The following WDR64 variants were observed in gnomAD, a reference collection of about 807,000 sequenced individuals.
The protein encoded by WDR64 is WD repeat domain 64, also known as WD repeat-containing protein 64.
WDR64 carries 112 observed loss-of-function variants against 139.3 expected under a neutral mutation model. The observed-to-expected ratio is 0.80, with a 90% CI of 0.69 to 0.94. The LOEUF (loss-of-function observed/expected upper bound fraction) is 0.94. WDR64 is among the 40% of genes least tolerant of loss of function. The probability of loss-of-function intolerance (pLI) is 0.00; values close to 1 mark genes in which losing one functional copy is unlikely to be tolerated. For synonymous variants in WDR64, 444 were observed against 437.7 expected, an observed-to-expected ratio of 1.01 and a Z score of -0.18; for missense variants, 1,206 against 1,293.1, an observed-to-expected ratio of 0.93 and a Z score of 1.03.
intron 8 of WDR64, among the ~76,000 whole-genome samples, chr1:241,698,953 C>G (rs1404241305): frequency 6.6e-6 from 1 of 152,194 alleles, no homozygotes; most frequent in Non-Finnish European, 1.5e-5. Context: ...GGGAAGCAAA[C>G]ACGTCCTTCT....
At chr1:241,771,324 T>C (rs973982837) in intron 18 of WDR64, among the ~76,000 whole-genome samples, 1 of 152,180 alleles carries the variant, frequency 6.6e-6, no homozygotes, top group Non-Finnish European at 1.5e-5. Context: ...TTTCTGTTTC[T>C]GTTTCAGTAA....
intron 21 of WDR64, among the ~76,000 whole-genome samples, chr1:241,777,618 A>G (rs1374690341): frequency 6.6e-6 from 1 of 151,762 alleles, no homozygotes; most frequent in Non-Finnish European, 1.5e-5. Flanking sequence ...GGGTTTCACC[A>G]TGTTGGCCAG....
Position 241,796,309 on chromosome 1 carries a change from A to G in WDR64, c.3131A>G (p.Gln1044Arg), listed in dbSNP as rs2148333628. The G allele has an allele frequency of 2.5e-6, 4 of 1,613,878 alleles. No homozygotes were observed. In the East Asian group the frequency reaches 8.9e-5, roughly 36 times the overall value. The change falls in exon 27 of 28, where the codon CAA (glutamine) becomes CGA (arginine). Residue 1044 changes from glutamine (Q) to arginine (R), a missense_variant. Physicochemically the swap from Gln to Arg is conservative, Grantham distance 43. Coordinates refer to ENST00000437684, the MANE Select transcript of WDR64 (RefSeq NM_001367482.1). ...CTTCCACTGATTGGCGTAGAAGCCC[A>G]AAAGGACTCTTCAGATGGCATTACA... Reference protein sequence around the residue: ...RFLPLIGVEAQKDSSDGITGK... With the variant: ...RFLPLIGVEARKDSSDGITGK...
chr1:241,697,106 T>C (rs1344895277), intron 8 of WDR64, among the ~76,000 whole-genome samples: 3 of 152,210 alleles, frequency 2.0e-5, no homozygotes, highest in African/African-American at 7.2e-5. Flanking sequence ...CTGCATCTGA[T>C]TGCAGAACCC....
At chr1:241,763,159 A>T (rs1657998476) in intron 15 of WDR64, among the ~76,000 whole-genome samples, 1 of 152,196 alleles carries the variant, frequency 6.6e-6, no homozygotes, top group African/African-American at 2.4e-5. Flanking sequence ...ATAAAAACAG[A>T]AAGAAGATGA....
chr1:241,736,623 C>T (rs1020784905), intron 10 of WDR64, among the ~76,000 whole-genome samples: 2 of 152,050 alleles, frequency 1.3e-5, no homozygotes, highest in Admixed American at 6.6e-5. Flanking sequence ...AGCAGTATGA[C>T]GCAGAAGGTT....
intron 1 of WDR64, among the ~76,000 whole-genome samples, chr1:241,654,682 C>T (rs865826293): frequency 8.5e-5 from 13 of 152,278 alleles, no homozygotes; most frequent in Middle Eastern, 6.8e-3. Context: ...GCTGTATAGG[C>T]TGAGCATCCC....
intron 23 of WDR64, among the ~76,000 whole-genome samples, chr1:241,784,945 C>T (rs112195379): frequency 0.32 from 18,893 of 59,316 alleles, 1,913 homozygotes; most frequent in Middle Eastern, 0.55. Flanking sequence ...CAGAGTGAGA[C>T]TCTGTCTGAA....
At chr1:241,785,923 G>A (rs137884096) in intron 23 of WDR64, among the ~76,000 whole-genome samples, 11 of 152,284 alleles carry the variant, frequency 7.2e-5, no homozygotes, top group Middle Eastern at 3.4e-3. Flanking sequence ...AAATCAAGCT[G>A]GGAAGCAGGA....
At chr1:241,753,252 G>T (rs1244808705) in intron 14 of WDR64, among the ~76,000 whole-genome samples, 1 of 152,156 alleles carries the variant, frequency 6.6e-6, no homozygotes, top group Non-Finnish European at 1.5e-5. Context: ...TTCACTCCTA[G>T]ACCAATATTC....
Position 241,775,213 on chromosome 1 carries a change from G to A in WDR64, c.2536+3G>A, listed in dbSNP as rs768394641. The A allele has an allele frequency of 4.5e-5, 70 of 1,547,970 alleles. No individual in the cohort carries two copies. Among genetic ancestry groups the A allele is most frequent in the Non-Finnish European group, 6.1e-5 (70 of 1,145,734 alleles). On this transcript the variant is annotated splice_donor_region_variant and intron_variant, in intron 21 of 27. Coordinates refer to ENST00000437684, the MANE Select transcript of WDR64 (RefSeq NM_001367482.1). ...GATACTACTGGCTGGAAATGTGGGT[G>A]AGTCATTACTCTTAGACATTCAGTG...
At chr1:241,795,318 C>A in intron 26 of WDR64, 31 bp downstream of exon 26, 1 of 1,583,306 alleles carries the variant, frequency 6.3e-7, no homozygotes, top group Non-Finnish European at 8.6e-7. Context: ...GTAGAGGGGT[C>A]ACAGAACAGT....
intron 25 of WDR64, among the ~76,000 whole-genome samples, chr1:241,791,268 A>G (rs969200890): frequency 2.0e-5 from 3 of 152,192 alleles, no homozygotes; most frequent in Admixed American, 2.0e-4. Flanking sequence ...CCTTGGCAAC[A>G]TAGCGAGACT....
chr1:241,784,234 A>G (rs1658952111), intron 23 of WDR64, among the ~76,000 whole-genome samples: 1 of 152,170 alleles, frequency 6.6e-6, no homozygotes, highest in African/African-American at 2.4e-5. Context: ...ACAGAATTTT[A>G]CGTGGGGGAG....
rs1043100542 is a variant in WDR64, at chr1:241,749,601, A to G, written c.1649A>G (p.Glu550Gly). ...GGGCAGGAGATGAAGGTGTTGCCGG[A>G]GGGGAAAGACTGGAAGGAGGACGAG... ...GSGQEMKVLP[E>G]GKDWKEDEHC... Residue 550 changes from glutamate to glycine, a missense_variant, in exon 14 of 28, where the codon GAG becomes GGG. Transcript: ENST00000437684. The G allele has an allele frequency of 2.5e-5, 40 of 1,613,934 alleles. No individual in the cohort carries two copies. The highest frequency in any genetic ancestry group is 3.4e-5 in the Non-Finnish European group (40 of 1,180,002).
chr1:241,736,705 TGAA>T (rs1333620406), intron 10 of WDR64, among the ~76,000 whole-genome samples: 2 of 152,058 alleles, frequency 1.3e-5, no homozygotes, highest in Non-Finnish European at 2.9e-5. Flanking sequence ...AACTGCACAA[TGAA>T]GAAGAGAAAG....
chr1:241,716,868 C>G (rs778590204), intron 9 of WDR64, among the ~76,000 whole-genome samples: 1 of 152,112 alleles, frequency 6.6e-6, no homozygotes, highest in African/African-American at 2.4e-5. Flanking sequence ...TTCTTCACAA[C>G]GAATAACGGA....
chr1:241,757,059 G>A (rs564201314), intron 14 of WDR64, among the ~76,000 whole-genome samples: 1 of 152,096 alleles, frequency 6.6e-6, no homozygotes, highest in Non-Finnish European at 1.5e-5. Context: ...TGTATATGTA[G>A]AAATATTAAA....
chr1:241,772,382 T>C (rs140223656), intron 19 of WDR64, among the ~76,000 whole-genome samples: 2 of 149,852 alleles, frequency 1.3e-5, no homozygotes, highest in South Asian at 2.1e-4. Flanking sequence ...TGCTATTTTC[T>C]TGTCTGCCTT....
Sources: allele counts gnomAD v4.1 joint callset (sites outside exome capture counted in the v4.1 genomes callset), GRCh38; gene constraint gnomAD v4.1.1; transcripts MANE v1.5; gene names NCBI Gene and HGNC (gene_info 2026-07-23, HGNC 2026-07-21).